The following AGPAT5 variants were observed in gnomAD, a reference collection of about 807,000 sequenced individuals.
AGPAT5 encodes the protein 1-acylglycerol-3-phosphate O-acyltransferase 5, also known as 1-acyl-sn-glycerol-3-phosphate acyltransferase epsilon.
A neutral mutation model predicts 45.6 loss-of-function variants in AGPAT5; 46 were observed. That is an observed-to-expected ratio of 1.01 (90% CI 0.80 to 1.29). AGPAT5 has a LOEUF of 1.29. Ranked by LOEUF, AGPAT5 falls within the 50% of genes most tolerant of loss-of-function variation. The pLI is 0.00. For missense variants in AGPAT5, 673 were observed against 450.7 expected (o/e 1.49, Z -4.47); for synonymous variants, 272 against 167.0 (o/e 1.63, Z -4.85).
intron 1 of AGPAT5, among the ~76,000 whole-genome samples, chr8:6,713,881 T>C (rs774063546): frequency 4.6e-5 from 7 of 152,236 alleles, no homozygotes; most frequent in Non-Finnish European, 1.0e-4. Flanking sequence ...TCAGAAACAG[T>C]CAAGGCTTTT....
intron 1 of AGPAT5, among the ~76,000 whole-genome samples, chr8:6,719,567 A>G (rs937143144): frequency 1.2e-4 from 19 of 152,210 alleles, no homozygotes; most frequent in African/African-American, 2.4e-5. Flanking sequence ...CTTCTTCCAA[A>G]TATTTGCAAA....
intron 1 of AGPAT5, among the ~76,000 whole-genome samples, chr8:6,717,337 C>A (rs545093899): frequency 6.6e-6 from 1 of 152,160 alleles, no homozygotes; most frequent in Non-Finnish European, 1.5e-5. Flanking sequence ...TTACTGCGCT[C>A]CTCCAGCTTG....
chr8:6,712,606 T>C (rs1394025589), intron 1 of AGPAT5, among the ~76,000 whole-genome samples: 1 of 152,016 alleles, frequency 6.6e-6, no homozygotes, highest in Non-Finnish European at 1.5e-5. Flanking sequence ...TTATGGGAAA[T>C]TAAAAGGAAA....
intron 1 of AGPAT5, among the ~76,000 whole-genome samples, chr8:6,718,701 T>C (rs1401564082): frequency 2.6e-5 from 4 of 152,254 alleles, no homozygotes; most frequent in Non-Finnish European, 5.9e-5. Context: ...CCTGTTCTTA[T>C]GATACTGCTG....
At position 6,758,938 on chromosome 8, in the gene AGPAT5, G is replaced by C. The variant is rs1801935983; in HGVS notation, c.*1550G>C. ...GCAAAATGAAAGAAATAATGATTAAGGGAAAATTAAGTGACTGTGTTACAC... is the reference window on the plus strand; with the variant it reads ...GCAAAATGAAAGAAATAATGATTAACGGAAAATTAAGTGACTGTGTTACAC... On this transcript the variant is annotated 3_prime_UTR_variant, in exon 8 of 8. Coordinates refer to ENST00000285518, the MANE Select transcript of AGPAT5 (RefSeq NM_018361.5). The C allele has an allele frequency of 6.6e-6, 1 of 152,610 alleles. No individual in the cohort carries two copies. 9.5% of individuals were successfully genotyped at this position (152,610 alleles called of 1,614,324 possible). A position where few individuals can be genotyped will look rare whatever the true frequency, so the allele number is the denominator to read the frequency against.
chr8:6,757,034 T>C, intron 7 of AGPAT5, 129 bp from the exon 8 acceptor site: 1 of 664,610 alleles, frequency 1.5e-6, no homozygotes, highest in Non-Finnish European at 2.6e-6. Context: ...TTCTGGATGT[T>C]TCCGTATTCA....
chr8:6,753,030 G>A (rs1801708501), intron 6 of AGPAT5, among the ~76,000 whole-genome samples: 2 of 152,160 alleles, frequency 1.3e-5, no homozygotes. Flanking sequence ...ATCTTACAAG[G>A]AGATAATAAC....
rs114432950 is a variant in AGPAT5 at position 6,726,311 on chromosome 8, T to C, written c.289+1372T>C. The stretch of plus-strand genomic sequence containing the variant: ...GTGGGCCCAGTACAGGGAATGGCTC[T>C]TGATAGATTTGATTTTCCTGCATTT... On this transcript the variant is annotated intron_variant, in intron 2 of 7. Transcript: ENST00000285518. Among the ~76,000 whole-genome samples the C allele has an allele frequency of 1.4e-3, 211 of 152,364 alleles. 1 individual carries two copies. The highest frequency in any genetic ancestry group is 4.8e-3 in the African/African-American group (198 of 41,588).
At chr8:6,746,475 G>A (rs1326849713) in intron 5 of AGPAT5, among the ~76,000 whole-genome samples, 1 of 152,178 alleles carries the variant, frequency 6.6e-6, no homozygotes, top group Non-Finnish European at 1.5e-5. Context: ...ACACCACAGA[G>A]TGATATTTTG....
intron 7 of AGPAT5, among the ~76,000 whole-genome samples, 188 bp downstream of exon 7, chr8:6,755,362 T>C (rs541336685): frequency 6.6e-6 from 1 of 152,254 alleles, no homozygotes; most frequent in African/African-American, 2.4e-5. Context: ...AAAGAACTTG[T>C]TACAGTGGGC....
In AGPAT5 at chr8:6,708,779, G is replaced by C. The variant is rs751165739; in HGVS notation, c.111G>C (p.Leu37=). 3.1e-6 allele frequency: 5 copies of C among 1,608,768 alleles called. No homozygotes were observed. Among genetic ancestry groups the C allele is most frequent in the Non-Finnish European group, 3.4e-6 (4 of 1,179,594 alleles). ...TYVLAWGVWR[L]LSAFLPARFY... is the part of the protein sequence containing the mutation. ...TGTTGGCCTGGGGGGTCTGGCGGCT[G>C]CTCTCCGCCTTCCTGCCCGCCCGCT... The change falls in exon 1 of 8, where the codon CTG becomes CTC. Residue 37 remains leucine (L), a synonymous_variant. Transcript: ENST00000285518.
At chr8:6,715,989 T>C (rs1433051594) in intron 1 of AGPAT5, among the ~76,000 whole-genome samples, 2 of 152,114 alleles carry the variant, frequency 1.3e-5, no homozygotes, top group Non-Finnish European at 2.9e-5. Flanking sequence ...CATTCGTTGG[T>C]TTCATTCTAG....
intron 4 of AGPAT5, among the ~76,000 whole-genome samples, chr8:6,737,365 G>A (rs938552003): frequency 2.0e-5 from 3 of 152,178 alleles, no homozygotes; most frequent in Non-Finnish European, 2.9e-5. Context: ...GTCAACTTTC[G>A]TGTGGCTTAC....
intron 6 of AGPAT5, among the ~76,000 whole-genome samples, chr8:6,748,916 G>T (rs1275209584): frequency 6.6e-6 from 1 of 152,166 alleles, no homozygotes. Context: ...TGAAGCATTC[G>T]TCTGAAGTTG....
chr8:6,723,774 G>C (rs944835950), intron 1 of AGPAT5, among the ~76,000 whole-genome samples: 1 of 152,190 alleles, frequency 6.6e-6, no homozygotes, highest in African/African-American at 2.4e-5. Flanking sequence ...TCACATCCCT[G>C]GCTTCCAGAA....
rs1207194265 is a variant in AGPAT5 at position 6,741,725 on chromosome 8, C to T, written c.560C>T (p.Ala187Val). The T allele has an allele frequency of 3.7e-6, 6 of 1,612,244 alleles. No individual in the cohort carries two copies. Among genetic ancestry groups the T allele is most frequent in the Non-Finnish European group, 5.1e-6 (6 of 1,179,120 alleles). Residue 187 changes from alanine to valine, a missense_variant, in exon 5 of 8, where the codon GCT (alanine) becomes GTT (valine). By Grantham distance (64) the Ala-to-Val change is moderately conservative (BLOSUM62 0). Coordinates refer to ENST00000285518, the MANE Select transcript of AGPAT5 (RefSeq NM_018361.5). ...CCAGAGCAAACAAAAGTCCTTTCAG[C>T]TAGTCAGGCATTTGCTGCCCAACGT... The part of the protein sequence containing the change: ...YNPEQTKVLS[A>V]SQAFAAQRGL...
chr8:6,737,194 A>C (rs1379302311), intron 4 of AGPAT5, among the ~76,000 whole-genome samples: 1 of 152,174 alleles, frequency 6.6e-6, no homozygotes, highest in Non-Finnish European at 1.5e-5. Flanking sequence ...AGCAGCTTTC[A>C]CTGTAAGGTC....
chr8:6,757,362 T>C lies in AGPAT5; in HGVS notation c.1069T>C (p.Cys357Arg). ...NTWIYGTLLG[C>R]LWVTIKA ...CTGGATATATGGAACCCTACTTGGC[T>C]GCCTGTGGGTTACTATTAAAGCATA... The change falls in exon 8 of 8, where the codon TGC becomes CGC. Residue 357 changes from cysteine (C) to arginine (R), a missense_variant. Coordinates refer to ENST00000285518, the MANE Select transcript of AGPAT5 (RefSeq NM_018361.5). 1 of 1,614,180 alleles carries C rather than the reference T, an allele frequency of 6.2e-7. No individual in the cohort carries two copies. The highest frequency in any genetic ancestry group is 1.3e-5 in the African/African-American group (1 of 75,062).
At position 6,758,811 on chromosome 8, in the gene AGPAT5, C is replaced by T. The variant is rs969261156; in HGVS notation, c.*1423C>T. On this transcript the variant is annotated 3_prime_UTR_variant, in exon 8 of 8. Coordinates refer to ENST00000285518, the MANE Select transcript of AGPAT5 (RefSeq NM_018361.5). ...GTGTTATAATTTAAACTTCGATTTC[C>T]TCATAGTCCTTTAAGTTGACATTTC... The T allele has an allele frequency of 6.6e-6, 1 of 152,586 alleles. No homozygotes were observed. Among genetic ancestry groups the T allele is most frequent in the African/African-American group, 2.4e-5 (1 of 41,434 alleles). 9.5% of individuals were successfully genotyped at this position (152,586 alleles called of 1,614,324 possible). A position where few individuals can be genotyped will look rare whatever the true frequency, so the allele number is the denominator to read the frequency against.
Sources: allele counts gnomAD v4.1 joint callset (sites outside exome capture counted in the v4.1 genomes callset), GRCh38; gene constraint gnomAD v4.1.1; transcripts MANE v1.5; gene names NCBI Gene and HGNC (gene_info 2026-07-23, HGNC 2026-07-21).